METTL2B: variants seen among roughly 807,000 people sequenced by gnomAD.
The protein encoded by METTL2B is tRNA N(3)-cytidine methyltransferase METTL2B.
METTL2B carries 28 observed loss-of-function variants against 51.0 expected under a neutral mutation model. The ratio of observed to expected loss-of-function variants is 0.55; its 90% CI spans 0.41 to 0.75. METTL2B has a LOEUF of 0.75. METTL2B is among the 30% of genes least tolerant of loss of function. The pLI is 0.00. For missense variants in METTL2B, 313 were observed against 460.7 expected (o/e 0.68, Z 2.93); for synonymous variants, 128 against 166.3 (o/e 0.77, Z 1.77).
intron 8 of METTL2B, chr7:128,501,316 C>T (rs1298664338): frequency 2.0e-6 from 2 of 985,302 alleles, no homozygotes; most frequent in Non-Finnish European, 2.4e-6. Flanking sequence ...CAGGGTGAAC[C>T]CTGGGTTCTA....
intron 5 of METTL2B, among the ~76,000 whole-genome samples, chr7:128,490,239 G>A (rs1226510168): frequency 6.6e-6 from 1 of 151,888 alleles, no homozygotes; most frequent in African/African-American, 2.4e-5. Flanking sequence ...AAGGATGCTG[G>A]TTGAAAGAAA....
chr7:128,497,054 G>T (rs1792936781), intron 6 of METTL2B, among the ~76,000 whole-genome samples: 1 of 151,506 alleles, frequency 6.6e-6, no homozygotes, highest in African/African-American at 2.4e-5. Context: ...TCTGTTTTTT[G>T]TTTTTTTTAA....
At chr7:128,487,165 C>T (rs1258939903) in intron 4 of METTL2B, among the ~76,000 whole-genome samples, 13 of 152,274 alleles carry the variant, frequency 8.5e-5, no homozygotes, top group African/African-American at 2.4e-4. Context: ...TGCAGTTCCC[C>T]GGGTTTTTAG....
chr7:128,496,218 C>G lies in METTL2B; in HGVS notation c.810-1818C>G, dbSNP rs145847742. On this transcript the variant is annotated intron_variant, in intron 6 of 8. Transcript: ENST00000262432. ...GAAATAAAGGCATATGCAGGATAACCCAAAAGGCCTACCATGGTTTTAAAC... is the reference window on the plus strand; with the variant it reads ...GAAATAAAGGCATATGCAGGATAACGCAAAAGGCCTACCATGGTTTTAAAC... 2.8e-3 allele frequency among the ~76,000 whole-genome samples: 425 copies of G among 152,228 alleles called. 4 individuals carry two copies. The highest frequency in any genetic ancestry group is 9.8e-3 in the African/African-American group (406 of 41,524).
chr7:128,497,322 A>G (rs755267877), intron 6 of METTL2B, among the ~76,000 whole-genome samples: 10 of 152,166 alleles, frequency 6.6e-5, no homozygotes, highest in Non-Finnish European at 1.0e-4. Flanking sequence ...TACAGCCCCT[A>G]CATTGAAAGA....
At chr7:128,495,358 G>A (rs960363649) in intron 6 of METTL2B, among the ~76,000 whole-genome samples, 2 of 152,194 alleles carry the variant, frequency 1.3e-5, no homozygotes, top group African/African-American at 4.8e-5. Flanking sequence ...ATCAGATTCT[G>A]ATTAAAGGAA....
rs1793055864 is a variant in METTL2B, at chr7:128,502,817, G to A, written c.*901G>A. On this transcript the variant is annotated 3_prime_UTR_variant, in exon 9 of 9. Coordinates refer to ENST00000262432, the MANE Select transcript of METTL2B (RefSeq NM_018396.3). ...GGAGGCTGAGGCAGGAGAATCACTTGAACCCAGGAGGCAGAGGTTGCAGTG... is the reference window on the plus strand; with the variant it reads ...GGAGGCTGAGGCAGGAGAATCACTTAAACCCAGGAGGCAGAGGTTGCAGTG... 2 of 314,232 alleles carry A rather than the reference G, an allele frequency of 6.4e-6. No homozygotes were observed. Among genetic ancestry groups the A allele is most frequent in the South Asian group, 4.6e-5 (2 of 43,262 alleles). 19.5% of individuals were successfully genotyped at this position (314,232 alleles called of 1,614,324 possible). A position where few individuals can be genotyped will look rare whatever the true frequency, so the allele number is the denominator to read the frequency against.
At chr7:128,491,776 A>G (rs1180427531) in intron 5 of METTL2B, among the ~76,000 whole-genome samples, 1 of 151,616 alleles carries the variant, frequency 6.6e-6, no homozygotes, top group Non-Finnish European at 1.5e-5. Context: ...AAAAAAAAAA[A>G]AAAGGGTCTG....
At chr7:128,498,707 T>A (rs1191333506) in intron 7 of METTL2B, among the ~76,000 whole-genome samples, 2 of 152,048 alleles carry the variant, frequency 1.3e-5, no homozygotes, top group Non-Finnish European at 2.9e-5. Context: ...TAGAAAGACA[T>A]TTGAAAGACA....
intron 6 of METTL2B, among the ~76,000 whole-genome samples, chr7:128,495,495 G>T: frequency 6.6e-6 from 1 of 151,952 alleles, no homozygotes; most frequent in Admixed American, 6.6e-5. Flanking sequence ...CTGTTGCCCA[G>T]GCTGGAGTGC....
chr7:128,500,231 C>T (rs1340319214), intron 7 of METTL2B, among the ~76,000 whole-genome samples: 1 of 152,136 alleles, frequency 6.6e-6, no homozygotes, highest in Non-Finnish European at 1.5e-5. Flanking sequence ...ATTTATGATT[C>T]TGTAGACACG....
intron 7 of METTL2B, among the ~76,000 whole-genome samples, chr7:128,499,953 G>A (rs761766276): frequency 3.9e-5 from 6 of 152,188 alleles, no homozygotes; most frequent in East Asian, 3.8e-4. Flanking sequence ...GGGAGATGTC[G>A]TGCTTGTCAC....
intron 5 of METTL2B, among the ~76,000 whole-genome samples, chr7:128,493,166 A>G (rs531913578): frequency 8.6e-5 from 13 of 152,046 alleles, no homozygotes; most frequent in African/African-American, 2.7e-4. Context: ...ATAACATGCT[A>G]TTAGATTGAT....
chr7:128,488,852 G>T (rs1039322984), intron 5 of METTL2B, among the ~76,000 whole-genome samples: 9 of 152,160 alleles, frequency 5.9e-5, no homozygotes, highest in Admixed American at 4.6e-4. Flanking sequence ...TGCCTGTAAT[G>T]CCAGCACTTT....
intron 5 of METTL2B, among the ~76,000 whole-genome samples, chr7:128,491,866 A>G (rs1399686597): frequency 6.6e-6 from 1 of 152,120 alleles, no homozygotes; most frequent in African/African-American, 2.4e-5. Context: ...GCAGTTAAAG[A>G]CCAAATGAAT....
chr7:128,498,353 G>T (rs531269567), intron 7 of METTL2B, among the ~76,000 whole-genome samples: 95 of 147,216 alleles, frequency 6.5e-4, no homozygotes, highest in East Asian at 2.4e-3. Flanking sequence ...GAGGTGGGGG[G>T]GCTGGGAGAG....
At chr7:128,484,232 T>TTTTTTTTTGTTTTTTTTTTGTTG (rs1554428849) in intron 4 of METTL2B, 2 of 83,572 alleles carry the variant, frequency 2.4e-5, no homozygotes, top group African/African-American at 9.9e-5. Context: ...TTTTTTTTTT[T>TTTTTTTTTGTTTTTTTTTTGTTG]TTTTTTTTTT....
chr7:128,501,452 CCT>C lies in METTL2B; in HGVS notation c.983-307_983-306del, dbSNP rs377516837. ...TGAGCCTTTGGTTAAGATGATGAAA[CCT>C]CTTTCCTAAAGCAATTGCTTTGACA... is the stretch of plus-strand genomic sequence containing the variant. On this transcript the variant is annotated intron_variant, in intron 8 of 8. Transcript: ENST00000262432. 548 of 985,426 alleles carry C rather than the reference CCT, an allele frequency of 5.6e-4. 3 individuals carry two copies. In the African/African-American group the frequency reaches 9.0e-3, roughly 16 times the overall value. 61.0% of individuals were successfully genotyped at this position (985,426 alleles called of 1,614,324 possible).
At chr7:128,490,225 A>G (rs1341399607) in intron 5 of METTL2B, among the ~76,000 whole-genome samples, 1 of 152,178 alleles carries the variant, frequency 6.6e-6, no homozygotes, top group Non-Finnish European at 1.5e-5. Flanking sequence ...AACTCCTTAT[A>G]GATAAGGATG....
Sources: gnomAD v4.1 joint callset for allele counts (sites outside exome capture counted in the v4.1 genomes callset) on GRCh38, gnomAD v4.1.1 for gene constraint, MANE v1.5 for transcripts, NCBI Gene and HGNC (gene_info 2026-07-23, HGNC 2026-07-21) for gene names.